The following PPP1R42 variants were observed in gnomAD, a reference collection of about 807,000 sequenced individuals.
PPP1R42 encodes leucine rich repeat containing 67.
PPP1R42 carries 34 observed loss-of-function variants against 31.0 expected under a neutral mutation model. That is an observed-to-expected ratio of 1.10 (90% CI 0.83 to 1.46). The LOEUF is 1.46. Ranked by LOEUF, PPP1R42 falls within the 40% of genes most tolerant of loss-of-function variation. The pLI is 0.00. For missense variants in PPP1R42, 268 were observed against 303.0 expected (o/e 0.88, Z 0.86); for synonymous variants, 103 against 109.8 (o/e 0.94, Z 0.39).
intron 1 of PPP1R42, among the ~76,000 whole-genome samples, chr8:67,026,463 C>T (rs532615901): frequency 6.6e-6 from 1 of 152,288 alleles, no homozygotes; most frequent in South Asian, 2.1e-4. Flanking sequence ...GCTTCAGCTT[C>T]TAGTCCTTGA....
At chr8:66,987,101 A>C (rs1250149934) in intron 6 of PPP1R42, among the ~76,000 whole-genome samples, 7 of 152,046 alleles carry the variant, frequency 4.6e-5, no homozygotes, top group Admixed American at 1.3e-4. Flanking sequence ...TTGTTAGTAT[A>C]TTTTTGGATG....
intron 6 of PPP1R42, chr8:66,985,819 A>G (rs1261869540): frequency 1.6e-6 from 2 of 1,241,948 alleles, no homozygotes; most frequent in African/African-American, 1.5e-5. Context: ...GAGCTTAGTC[A>G]GCATGCCAGG....
intron 6 of PPP1R42, chr8:66,988,076 C>A (rs560562601): frequency 2.1e-6 from 2 of 931,174 alleles, no homozygotes; most frequent in Admixed American, 1.2e-4. Flanking sequence ...CTCTTGGGAT[C>A]ATCAAAGGAT....
intron 1 of PPP1R42, among the ~76,000 whole-genome samples, chr8:67,020,485 G>A (rs1296763003): frequency 6.6e-6 from 1 of 152,190 alleles, no homozygotes; most frequent in Non-Finnish European, 1.5e-5. Context: ...ACAGGCGTGA[G>A]CCACTGAGCC....
chr8:66,985,807 T>A lies in PPP1R42; in HGVS notation c.670+2593A>T. 9 of 1,233,366 alleles carry A rather than the reference T, an allele frequency of 7.3e-6. No homozygotes were observed. The South Asian group carries it at 1.1e-4, about 16-fold the overall frequency. 76.4% of individuals were successfully genotyped at this position (1,233,366 alleles called of 1,614,324 possible). On this transcript the variant is annotated intron_variant, in intron 6 of 7. Coordinates refer to ENST00000685739, the MANE Select transcript of PPP1R42 (RefSeq NM_001364910.1). ...TGCTGCGTCCATCATCTGTTTGATG[T>A]GGAGCTTAGTCAGCATGCCAGGACT...
intron 1 of PPP1R42, among the ~76,000 whole-genome samples, chr8:67,023,749 T>A (rs926691931): frequency 6.6e-6 from 1 of 152,158 alleles, no homozygotes; most frequent in African/African-American, 2.4e-5. Flanking sequence ...ACTTGTCTTA[T>A]TGCTGATCTC....
chr8:66,976,753 GTT>G (rs941763980), intron 7 of PPP1R42, among the ~76,000 whole-genome samples: 2 of 151,648 alleles, frequency 1.3e-5, no homozygotes, highest in African/African-American at 4.8e-5. Context: ...CTTATTTATA[GTT>G]GAATAGTATT....
chr8:66,971,060 T>C lies in PPP1R42; in HGVS notation c.803-6726A>G, dbSNP rs978471982. On this transcript the variant is annotated intron_variant, in intron 7 of 7. Transcript: ENST00000685739. ...TTTGCATTTACAGGGTATCTCTGTA[T>C]TTCAGAGAAAAAGGCTAATTTTGGC... 8.5e-6 allele frequency: 13 copies of C among 1,531,318 alleles called. No individual in the cohort carries two copies. In the East Asian group the frequency reaches 2.9e-4, roughly 35 times the overall value. The allele number at this position is 1,531,318 out of a possible 1,614,324, so 94.9% of individuals were successfully genotyped here. A position where few individuals can be genotyped will look rare whatever the true frequency, so the allele number is the denominator to read the frequency against.
chr8:67,015,382 A>G (rs1458402337), intron 2 of PPP1R42, among the ~76,000 whole-genome samples: 1 of 152,188 alleles, frequency 6.6e-6, no homozygotes, highest in Non-Finnish European at 1.5e-5. Context: ...ACCATTAAAT[A>G]TCCTTTTGTT....
chr8:67,014,532 G>T lies in PPP1R42; in HGVS notation c.190C>A (p.Gln64Lys). The T allele has an allele frequency of 6.4e-7, 1 of 1,556,640 alleles. No homozygotes were observed. The highest frequency in any genetic ancestry group is 1.2e-5 in the South Asian group (1 of 85,538). ...VLYLYDNCIS[Q>K]ITNLNYATNL... Reference sequence around the variant, plus strand: ...GTGGCATAATTCAGGTTAGTGATTTGACTAATACAATTATCATATAAATAT... The same window carrying T: ...GTGGCATAATTCAGGTTAGTGATTTTACTAATACAATTATCATATAAATAT... Residue 64 changes from glutamine to lysine, a missense_variant, in exon 3 of 8, where the codon CAA becomes AAA. Transcript: ENST00000685739.
Position 67,010,711 on chromosome 8 carries a change from C to G in PPP1R42, c.552+4G>C. ...TCTTAAAAATTAATTTCTCTTTACACTACCTTCACATGCAGAAGTTGGTTG... is the reference window on the plus strand; with the variant it reads ...TCTTAAAAATTAATTTCTCTTTACAGTACCTTCACATGCAGAAGTTGGTTG... On this transcript the variant is annotated splice_donor_region_variant and intron_variant, in intron 5 of 7. Transcript: ENST00000685739. The G allele has an allele frequency of 6.5e-7, 1 of 1,548,332 alleles. No homozygotes were observed. Among genetic ancestry groups the G allele is most frequent in the Non-Finnish European group, 8.8e-7 (1 of 1,130,878 alleles).
chr8:67,025,314 G>A (rs1816359704), intron 1 of PPP1R42, among the ~76,000 whole-genome samples: 2 of 149,976 alleles, frequency 1.3e-5, no homozygotes, highest in African/African-American at 4.9e-5. Flanking sequence ...GTCTCATTAT[G>A]TTGCCTAGGC....
At chr8:67,013,416 TA>T (rs1039240810) in intron 3 of PPP1R42, among the ~76,000 whole-genome samples, 4 of 151,860 alleles carry the variant, frequency 2.6e-5, no homozygotes, top group Non-Finnish European at 5.9e-5. Context: ...GTTGTAGGTT[TA>T]AAAAATGAAG....
intron 7 of PPP1R42, among the ~76,000 whole-genome samples, chr8:66,969,963 T>A (rs1814496780): frequency 6.6e-6 from 1 of 152,188 alleles, no homozygotes; most frequent in South Asian, 2.1e-4. Context: ...CCCATAGCAT[T>A]TATCACATTA....
At chr8:66,978,317 C>G (rs1406061605) in intron 7 of PPP1R42, among the ~76,000 whole-genome samples, 1 of 152,132 alleles carries the variant, frequency 6.6e-6, no homozygotes, top group Non-Finnish European at 1.5e-5. Flanking sequence ...TGGGGGAAAC[C>G]ACCCCCATAA....
chr8:67,021,577 T>C (rs1043351492), intron 1 of PPP1R42, among the ~76,000 whole-genome samples: 22 of 152,160 alleles, frequency 1.4e-4, no homozygotes, highest in African/African-American at 4.6e-4. Context: ...TATTTCATGA[T>C]AAAAGTATAA....
At chr8:66,976,067 A>G (rs544596990) in intron 7 of PPP1R42, among the ~76,000 whole-genome samples, 4 of 152,122 alleles carry the variant, frequency 2.6e-5, no homozygotes, top group Non-Finnish European at 5.9e-5. Context: ...CATAACTCGC[A>G]TTACCACCTG....
intron 6 of PPP1R42, chr8:66,985,355 C>T: frequency 1.3e-6 from 1 of 770,118 alleles, no homozygotes; most frequent in Non-Finnish European, 2.3e-6. Flanking sequence ...TGAATGGTTC[C>T]CTCCGAAGAG....
At chr8:67,000,267 C>T (rs1192349061) in intron 5 of PPP1R42, among the ~76,000 whole-genome samples, 2 of 151,974 alleles carry the variant, frequency 1.3e-5, no homozygotes, top group Non-Finnish European at 2.9e-5. Flanking sequence ...ATTTTTCCCT[C>T]ATTCTTGTTG....
Sources: allele counts gnomAD v4.1 joint callset (sites outside exome capture counted in the v4.1 genomes callset), GRCh38; gene constraint gnomAD v4.1.1; transcripts MANE v1.5; gene names NCBI Gene and HGNC (gene_info 2026-07-23, HGNC 2026-07-21).